CEP192: variants seen among roughly 807,000 people sequenced by gnomAD.
The protein encoded by CEP192 is centrosomal protein 192, also known as centrosomal protein of 192 kDa.
Under a neutral mutation model 271.8 loss-of-function variants are expected in CEP192, and 151 were observed. The observed-to-expected ratio is 0.56, with a 90% CI of 0.49 to 0.64. The LOEUF (loss-of-function observed/expected upper bound fraction) is 0.64, where lower values mean the gene tolerates loss of function less well. Among genes scored for constraint, CEP192 ranks in the 30% least tolerant of loss-of-function variants. CEP192 has a pLI of 0.00. For missense variants in CEP192, 2,910 were observed against 3,020.5 expected (o/e 0.96, Z 0.86); for synonymous variants, 995 against 1,076.5 (o/e 0.92, Z 1.48).
Position 13,095,601 on chromosome 18 carries a change from G to A in CEP192, c.6353G>A (p.Arg2118His), listed in dbSNP as rs1372337200. ...TCTCCTCTTCTCTCACGGGCGGCTC[G>A]CCCGCCTCTGGATCAGCTGGCCTCC... ...QGSPLLSRAA[R>H]PPLDQLASEE... Residue 2118 changes from arginine to histidine, a missense_variant, in exon 35 of 45, where the codon CGC becomes CAC. Physicochemically the swap from Arg to His is conservative, Grantham distance 29. Coordinates refer to ENST00000506447, the MANE Select transcript of CEP192 (RefSeq NM_032142.4). The A allele has an allele frequency of 8.1e-6, 13 of 1,614,124 alleles. No individual in the cohort carries two copies. Among genetic ancestry groups the A allele is most frequent in the Middle Eastern group, 1.6e-4 (1 of 6,062 alleles).
At chr18:13,115,946 G>A (rs902449543) in intron 42 of CEP192, among the ~76,000 whole-genome samples, 3 of 152,202 alleles carry the variant, frequency 2.0e-5, no homozygotes, top group Admixed American at 2.0e-4. Context: ...GGAGGCAGCT[G>A]TGCAGGGTTT....
chr18:13,007,637 C>T (rs184667868), intron 3 of CEP192, among the ~76,000 whole-genome samples: 1 of 152,302 alleles, frequency 6.6e-6, no homozygotes, highest in Admixed American at 6.5e-5. Flanking sequence ...TTTTCCTGTA[C>T]CTACCCATGA....
chr18:13,042,347 T>G lies in CEP192; in HGVS notation c.2067+13T>G. 1.2e-6 allele frequency: 2 copies of G among 1,613,178 alleles called. No homozygotes were observed. The highest frequency in any genetic ancestry group is 1.7e-6 in the Non-Finnish European group (2 of 1,179,518). On this transcript the variant is annotated intron_variant, in intron 15 of 44. Coordinates refer to ENST00000506447, the MANE Select transcript of CEP192 (RefSeq NM_032142.4). ...AGGCAAAACAGAGGTAGCTTCAGCC[T>G]TTCGTAAGGAAATCTAAGATTATCT...
chr18:13,096,677 C>G (rs1346924970), intron 36 of CEP192, among the ~76,000 whole-genome samples: 1 of 152,210 alleles, frequency 6.6e-6, no homozygotes, highest in Non-Finnish European at 1.5e-5. Flanking sequence ...GTCCCGAGCC[C>G]AAACACTTCT....
chr18:13,048,281 C>A (rs754625584), intron 15 of CEP192, among the ~76,000 whole-genome samples: 1 of 152,180 alleles, frequency 6.6e-6, no homozygotes, highest in Non-Finnish European at 1.5e-5. Context: ...GTGAGTCTTT[C>A]TTTTGTCCAG....
intron 1 of CEP192, among the ~76,000 whole-genome samples, chr18:12,999,064 A>G (rs1568255600): frequency 6.6e-6 from 1 of 152,162 alleles, no homozygotes; most frequent in African/African-American, 2.4e-5. Flanking sequence ...ATGTCCTAAA[A>G]TCATTTGTAT....
rs748024356 is a variant in CEP192, at chr18:13,099,602, GTTT to G, written c.6663+29_6663+31del. 9.5e-6 allele frequency: 11 copies of G among 1,153,634 alleles called. 1 individual carries two copies. The highest frequency in any genetic ancestry group is 8.0e-5 in the African/African-American group (5 of 62,170). The allele number at this position is 1,153,634 out of a possible 1,614,324, so 71.5% of individuals were successfully genotyped here. On this transcript the variant is annotated intron_variant, in intron 37 of 44. Transcript: ENST00000506447. ...AGAAGGTACTTTTAAAAGTGGTTTG[GTTT>G]TTTTTTTGAGTGACAATTCTGTTTG...
intron 38 of CEP192, among the ~76,000 whole-genome samples, chr18:13,102,418 C>T (rs1012609979): frequency 5.3e-5 from 8 of 152,104 alleles, no homozygotes; most frequent in Non-Finnish European, 8.8e-5. Flanking sequence ...GTACACTCCA[C>T]CATCACCAGG....
At chr18:13,104,105 G>A in intron 39 of CEP192, 1 of 308,052 alleles carries the variant, frequency 3.2e-6, no homozygotes, top group East Asian at 9.3e-5. Context: ...GAATATGTGT[G>A]GAAATACATG....
Position 13,029,777 on chromosome 18 carries a change from C to G in CEP192, c.1165C>G (p.Pro389Ala). 1 of 1,551,542 alleles carries G rather than the reference C, an allele frequency of 6.4e-7. No individual in the cohort carries two copies. Among genetic ancestry groups the G allele is most frequent in the African/African-American group, 1.4e-5 (1 of 73,128 alleles). ...TAGAGGTGGTTTTGATCTGACTGAC[C>G]CTGTAAAACAGGGGGCAGAGTGTCC... ...ANRGGFDLTD[P>A]VKQGAECPHQ... The change falls in exon 10 of 45, where the codon CCT becomes GCT. Residue 389 changes from proline to alanine, a missense_variant. By Grantham distance (27) the Pro-to-Ala change is conservative (BLOSUM62 -1). Coordinates refer to ENST00000506447, the MANE Select transcript of CEP192 (RefSeq NM_032142.4).
Position 13,017,205 on chromosome 18 carries a change from G to T in CEP192, c.658G>T (p.Glu220Ter). ...ATCAATAGATGATGATATTGATGAT[G>T]AAATGTTTTATGATGATCATTTGGA... Reference protein sequence around the residue: ...EDSSDDDIDDEMFYDDHLEAY... With the variant: ...EDSSDDDIDD The change falls in exon 7 of 45, where the codon GAA becomes TAA. Residue 220 changes from glutamate (E) to a stop codon, truncating the protein, a stop_gained. Coordinates refer to ENST00000506447, the MANE Select transcript of CEP192 (RefSeq NM_032142.4). LOFTEE classifies it high-confidence loss of function. 2 of 1,545,628 alleles carry T rather than the reference G, an allele frequency of 1.3e-6. No individual in the cohort carries two copies. The highest frequency in any genetic ancestry group is 1.7e-6 in the Non-Finnish European group (2 of 1,145,154).
chr18:13,051,359 ATG>A (rs1462056714), intron 17 of CEP192, among the ~76,000 whole-genome samples: 8 of 151,110 alleles, frequency 5.3e-5, no homozygotes, highest in Non-Finnish European at 8.8e-5. Context: ...TACTGTGTGT[ATG>A]TGTTTGTGTG....
intron 9 of CEP192, among the ~76,000 whole-genome samples, chr18:13,023,486 T>A (rs1382702237): frequency 6.6e-6 from 1 of 152,112 alleles, no homozygotes; most frequent in African/African-American, 2.4e-5. Flanking sequence ...ATTTTTTTTT[T>A]TTTTGCAGCT....
chr18:13,008,036 G>A (rs577935724), intron 3 of CEP192, among the ~76,000 whole-genome samples: 28 of 152,328 alleles, frequency 1.8e-4, no homozygotes, highest in Non-Finnish European at 3.1e-4. Context: ...CAAGAACTAG[G>A]ACTAGGGATA....
At chr18:13,005,170 G>A (rs2033904798) in intron 3 of CEP192, among the ~76,000 whole-genome samples, 1 of 152,104 alleles carries the variant, frequency 6.6e-6, no homozygotes, top group Admixed American at 6.5e-5. Flanking sequence ...GAGAGATGAG[G>A]GTCCCCACTT....
chr18:13,052,802 C>T (rs1568340537), intron 17 of CEP192, 117 bp from the exon 18 acceptor site: 2 of 664,350 alleles, frequency 3.0e-6, no homozygotes, highest in East Asian at 5.3e-5. Context: ...TAAGTGTAAA[C>T]ATTGAATTTG....
At chr18:13,091,354 G>C (rs1043530062) in intron 33 of CEP192, among the ~76,000 whole-genome samples, 2 of 152,114 alleles carry the variant, frequency 1.3e-5, no homozygotes, top group African/African-American at 2.4e-5. Flanking sequence ...CAGGTCTTTG[G>C]GACACCAGAA....
At chr18:13,013,438 T>C (rs1386276718) in intron 5 of CEP192, among the ~76,000 whole-genome samples, 1 of 152,206 alleles carries the variant, frequency 6.6e-6, no homozygotes, top group African/African-American at 2.4e-5. Flanking sequence ...AGAGAAGCTG[T>C]CTCATTTGTT....
intron 9 of CEP192, among the ~76,000 whole-genome samples, chr18:13,021,997 A>T (rs1421069527): frequency 1.3e-5 from 2 of 152,040 alleles, no homozygotes; most frequent in African/African-American, 4.8e-5. Flanking sequence ...GGAGTTTTAT[A>T]GTTTTGCATT....
Sources: gnomAD v4.1 joint callset for allele counts (sites outside exome capture counted in the v4.1 genomes callset) on GRCh38, gnomAD v4.1.1 for gene constraint, MANE v1.5 for transcripts, NCBI Gene and HGNC (gene_info 2026-07-23, HGNC 2026-07-21) for gene names.